Variants in GLRA3 observed in about 807,000 individuals in gnomAD.
GLRA3 encodes glycine receptor subunit alpha-3.
A neutral mutation model predicts 60.4 loss-of-function variants in GLRA3; 44 were observed. The observed-to-expected ratio is 0.73, with a 90% CI of 0.57 to 0.94. The LOEUF is 0.94. GLRA3 is among the 40% of genes least tolerant of loss of function. The probability of loss-of-function intolerance (pLI) is 0.00; values close to 1 mark genes in which losing one functional copy is unlikely to be tolerated. For missense variants in GLRA3, 508 were observed against 564.6 expected, an observed-to-expected ratio of 0.90 and a Z score of 1.02; for synonymous variants, 223 against 192.9, an observed-to-expected ratio of 1.16 and a Z score of -1.29.
Position 174,828,871 on chromosome 4 carries a change from AAGAC to A in GLRA3, c.-64_-61del. On this transcript the variant is annotated 5_prime_UTR_variant, in exon 1 of 10. Coordinates refer to ENST00000274093, the MANE Select transcript of GLRA3 (RefSeq NM_006529.4). The stretch of plus-strand genomic sequence containing the variant: ...CTTATCCAAGGCATGGGGAACCAGA[AAGAC>A]AGAATGAAAATGTACAATCTAACCC... 8.8e-7 allele frequency: 1 copy of A among 1,130,746 alleles called. No individual in the cohort carries two copies. Among genetic ancestry groups the A allele is most frequent in the Admixed American group, 1.7e-5 (1 of 59,300 alleles). The allele number at this position is 1,130,746 out of a possible 1,614,324, so 70.0% of individuals were successfully genotyped here.
intron 7 of GLRA3, among the ~76,000 whole-genome samples, chr4:174,668,653 T>A (rs1733775846): frequency 6.6e-6 from 1 of 152,156 alleles, no homozygotes; most frequent in Admixed American, 6.6e-5. Context: ...AATGTATTTA[T>A]AAACAGCATA....
Position 174,638,982 on chromosome 4 carries a change from C to T in GLRA3, c.*4804G>A, listed in dbSNP as rs1732564179. 6.6e-6 allele frequency: 1 copy of T among 152,200 alleles called. No homozygotes were observed. Among genetic ancestry groups the T allele is most frequent in the African/African-American group, 2.4e-5 (1 of 41,446 alleles). 9.4% of individuals were successfully genotyped at this position (152,200 alleles called of 1,614,324 possible). ...AATAATACTCCATCACCTTAAATGT[C>T]TCCTCTTTGTTTATGTGTTAACCAC... On this transcript the variant is annotated 3_prime_UTR_variant, in exon 10 of 10. Transcript: ENST00000274093.
At chr4:174,757,136 A>T (rs1737749622) in intron 3 of GLRA3, among the ~76,000 whole-genome samples, 1 of 152,246 alleles carries the variant, frequency 6.6e-6, no homozygotes, top group African/African-American at 2.4e-5. Context: ...ATTCATAGAA[A>T]ATACAAAAAA....
At chr4:174,819,460 A>T (rs1201257641) in intron 1 of GLRA3, among the ~76,000 whole-genome samples, 4 of 152,186 alleles carry the variant, frequency 2.6e-5, no homozygotes, top group African/African-American at 9.7e-5. Context: ...GGCCTGTGCC[A>T]ACAGTGCTTT....
At chr4:174,775,995 T>A (rs896414447) in intron 2 of GLRA3, among the ~76,000 whole-genome samples, 2 of 152,018 alleles carry the variant, frequency 1.3e-5, no homozygotes, top group Admixed American at 1.3e-4. Flanking sequence ...AGGGACTGCA[T>A]GGAGAGGGGA....
At chr4:174,685,007 C>CA (rs1734501288) in intron 5 of GLRA3, among the ~76,000 whole-genome samples, 1 of 151,686 alleles carries the variant, frequency 6.6e-6, no homozygotes, top group Non-Finnish European at 1.5e-5. Context: ...GACCCTGTCT[C>CA]AAAAAACAAA....
intron 3 of GLRA3, among the ~76,000 whole-genome samples, chr4:174,734,909 A>T (rs1736709583): frequency 1.3e-5 from 2 of 152,164 alleles, no homozygotes; most frequent in Non-Finnish European, 1.5e-5. Context: ...AATATAGCTC[A>T]TTCAGTTTGT....
chr4:174,784,792 A>G (rs556404471), intron 2 of GLRA3, among the ~76,000 whole-genome samples: 1 of 152,290 alleles, frequency 6.6e-6, no homozygotes, highest in Non-Finnish European at 1.5e-5. Context: ...AAATCATTAT[A>G]TTTAATAGGA....
intron 1 of GLRA3, among the ~76,000 whole-genome samples, chr4:174,815,294 G>C (rs1740443240): frequency 6.6e-6 from 1 of 152,198 alleles, no homozygotes. Flanking sequence ...ACTCCTGGCT[G>C]TTTTCATGGG....
chr4:174,782,893 C>A (rs1280242001), intron 2 of GLRA3, among the ~76,000 whole-genome samples: 3 of 151,956 alleles, frequency 2.0e-5, no homozygotes, highest in African/African-American at 7.3e-5. Context: ...GCCATACTGC[C>A]CAAGGTAATT....
At chr4:174,672,128 C>A (rs1733930292) in intron 7 of GLRA3, among the ~76,000 whole-genome samples, 2 of 152,230 alleles carry the variant, frequency 1.3e-5, no homozygotes, top group Admixed American at 1.3e-4. Context: ...ATCAAAAAGC[C>A]ATATTTGAAA....
intron 1 of GLRA3, among the ~76,000 whole-genome samples, chr4:174,825,170 T>A (rs1042898268): frequency 2.6e-5 from 4 of 152,110 alleles, no homozygotes; most frequent in African/African-American, 7.2e-5. Context: ...TAGCAAAGAT[T>A]TTTTTAAAAC....
At chr4:174,787,877 C>T (rs1464741168) in intron 2 of GLRA3, among the ~76,000 whole-genome samples, 15 of 152,012 alleles carry the variant, frequency 9.9e-5, no homozygotes, top group Admixed American at 9.8e-4. Flanking sequence ...GTGAGTTTTA[C>T]TTCTTTTGTT....
chr4:174,685,268 A>T (rs1734511664), intron 5 of GLRA3, among the ~76,000 whole-genome samples: 1 of 152,136 alleles, frequency 6.6e-6, no homozygotes, highest in Admixed American at 6.5e-5. Context: ...AATCTGCTCC[A>T]GCTGTGGTGG....
At chr4:174,729,076 G>A (rs1736450903) in intron 3 of GLRA3, among the ~76,000 whole-genome samples, 1 of 152,156 alleles carries the variant, frequency 6.6e-6, no homozygotes, top group Non-Finnish European at 1.5e-5. Context: ...TCCTAGTTCT[G>A]AGGTTTTGGC....
At chr4:174,761,767 TA>T (rs1191515227) in intron 3 of GLRA3, among the ~76,000 whole-genome samples, 1 of 152,174 alleles carries the variant, frequency 6.6e-6, no homozygotes, top group African/African-American at 2.4e-5. Flanking sequence ...AAAAGGGGTA[TA>T]AGCAGGCTCT....
At chr4:174,783,267 T>C (rs866821553) in intron 2 of GLRA3, among the ~76,000 whole-genome samples, 2 of 144,854 alleles carry the variant, frequency 1.4e-5, no homozygotes, top group Non-Finnish European at 3.1e-5. Context: ...GCTAGCCATA[T>C]GTAGAAAGCT....
intron 6 of GLRA3, among the ~76,000 whole-genome samples, chr4:174,680,252 A>C (rs1417638373): frequency 6.6e-6 from 1 of 152,210 alleles, no homozygotes; most frequent in Non-Finnish European, 1.5e-5. Context: ...TACTCAGTAT[A>C]TGTGGATCTG....
chr4:174,811,187 T>A (rs1357657060), intron 1 of GLRA3, among the ~76,000 whole-genome samples: 1 of 135,176 alleles, frequency 7.4e-6, no homozygotes, highest in African/African-American at 3.2e-5. Flanking sequence ...CCCCGCCTGT[T>A]TTTTTTTTTT....
Sources: gnomAD v4.1 joint callset for allele counts (sites outside exome capture counted in the v4.1 genomes callset) on GRCh38, gnomAD v4.1.1 for gene constraint, MANE v1.5 for transcripts, NCBI Gene and HGNC (gene_info 2026-07-23, HGNC 2026-07-21) for gene names.